The following ZNF207 variants were observed in gnomAD, a reference collection of about 807,000 sequenced individuals.
ZNF207 encodes the protein zinc finger protein 207, also known as BUB3-interacting and GLEBS motif-containing protein ZNF207.
Under a neutral mutation model 60.2 loss-of-function variants are expected in ZNF207, and 24 were observed. The observed-to-expected ratio is 0.40, with a 90% CI of 0.29 to 0.56. ZNF207 has a LOEUF of 0.56. Among genes scored for constraint, ZNF207 ranks in the 20% least tolerant of loss-of-function variants. ZNF207 has a pLI of 0.49. For missense variants in ZNF207, 452 were observed against 636.6 expected, an observed-to-expected ratio of 0.71 and a Z score of 3.12; for synonymous variants, 236 against 194.7, an observed-to-expected ratio of 1.21 and a Z score of -1.77.
In ZNF207 at chr17:32,374,461, C is replaced by T. The variant is rs188223202; in HGVS notation, c.*4702C>T. 0.016 allele frequency: 2,444 copies of T among 152,288 alleles called. 37 individuals are homozygous for T. The highest frequency in any genetic ancestry group is 0.065 in the Middle Eastern group (19 of 294). The allele number at this position is 152,288 out of a possible 1,614,324, so 9.4% of individuals were successfully genotyped here. ...CTCGATCTCCTGACTTTGCGATCCC[C>T]CTGCCTCGGCCTCCCAAAGTGCTGG... On this transcript the variant is annotated 3_prime_UTR_variant, in exon 12 of 12. Transcript: ENST00000394670.
At chr17:32,354,207 C>T (rs1369982692) in intron 2 of ZNF207, among the ~76,000 whole-genome samples, 2 of 152,174 alleles carry the variant, frequency 1.3e-5, no homozygotes, top group Non-Finnish European at 2.9e-5. Context: ...CGCCCAACTC[C>T]CAGGATCAAT....
intron 3 of ZNF207, among the ~76,000 whole-genome samples, chr17:32,359,048 C>T (rs1385807034): frequency 6.7e-6 from 1 of 150,302 alleles, no homozygotes; most frequent in East Asian, 2.0e-4. Flanking sequence ...GGTGATTTGC[C>T]CACTTTTGCC....
Position 32,361,459 on chromosome 17 carries a change from T to C in ZNF207, c.552-9T>C. ...AGTTAGATTTTGATTTTGTCATACA[T>C]TTTCACAGATTGCATCATCAGAGAA... On this transcript the variant is annotated splice_polypyrimidine_tract_variant and intron_variant, in intron 5 of 11. Transcript: ENST00000394670. 2 of 1,607,808 alleles carry C rather than the reference T, an allele frequency of 1.2e-6. No homozygotes were observed. The highest frequency in any genetic ancestry group is 1.7e-6 in the Non-Finnish European group (2 of 1,176,732).
chr17:32,360,719 A>G lies in ZNF207; in HGVS notation c.429A>G (p.Ala143=). ...AGCAAGGTTATATTCCTCCAATGGC[A>G]CAGCCAGGACTGCCACCAGTACCAG... ...QPQQGYIPPM[A]QPGLPPVPGA... Residue 143 remains alanine, a synonymous_variant, in exon 4 of 12, where the codon GCA becomes GCG. Transcript: ENST00000394670. 1 of 1,614,136 alleles carries G rather than the reference A, an allele frequency of 6.2e-7. No homozygotes were observed. The highest frequency in any genetic ancestry group is 2.2e-5 in the East Asian group (1 of 44,886).
rs1296711727 is a variant in ZNF207, at chr17:32,369,803, C to A, written c.*44C>A. 2.1e-6 allele frequency: 3 copies of A among 1,405,952 alleles called. No homozygotes were observed. The highest frequency in any genetic ancestry group is 2.8e-6 in the Non-Finnish European group (3 of 1,073,574). 87.1% of individuals were successfully genotyped at this position (1,405,952 alleles called of 1,614,324 possible). ...AATAGGTTTGGAGATTAAACCTTTT[C>A]TCAACTTGTGCTGTTTATATAGCCA... On this transcript the variant is annotated 3_prime_UTR_variant, in exon 12 of 12. Coordinates refer to ENST00000394670, the MANE Select transcript of ZNF207 (RefSeq NM_001098507.2).
In ZNF207 at chr17:32,366,647, C is replaced by T; in HGVS notation, c.829-18C>T. On this transcript the variant is annotated intron_variant, in intron 8 of 11. Coordinates refer to ENST00000394670, the MANE Select transcript of ZNF207 (RefSeq NM_001098507.2). ...TTGTTTGGAGACTTTTCATTGTTTC[C>T]TTTCTTTTATGCTACAGATGGGGAC... 1.3e-6 allele frequency: 2 copies of T among 1,579,938 alleles called. No individual in the cohort carries two copies. The highest frequency in any genetic ancestry group is 8.6e-7 in the Non-Finnish European group (1 of 1,167,762).
rs1042044874 is a variant in ZNF207 at position 32,379,956 on chromosome 17, C to G, written c.*10197C>G. 45 of 152,108 alleles carry G rather than the reference C, an allele frequency of 3.0e-4. No individual in the cohort carries two copies. Among genetic ancestry groups the G allele is most frequent in the African/African-American group, 1.1e-3 (45 of 41,408 alleles). 9.4% of individuals were successfully genotyped at this position (152,108 alleles called of 1,614,324 possible). The stretch of plus-strand genomic sequence containing the variant: ...CTAAGAATGTTTTTACATTCTGTTT[C>G]CTCCTGTGATCTTTCTGAACCAATA... On this transcript the variant is annotated 3_prime_UTR_variant, in exon 12 of 12. Transcript: ENST00000394670.
In ZNF207 at chr17:32,372,749, T is replaced by C. The variant is rs995675030; in HGVS notation, c.*2990T>C. On this transcript the variant is annotated 3_prime_UTR_variant, in exon 12 of 12. Transcript: ENST00000394670. ...TGGGGTCCATAGTGTGGTTGAATTA[T>C]GAGTGGAGCAAATTATATTCATATA... 16 of 152,344 alleles carry C rather than the reference T, an allele frequency of 1.1e-4. No homozygotes were observed. Among genetic ancestry groups the C allele is most frequent in the African/African-American group, 3.6e-4 (15 of 41,586 alleles). 9.4% of individuals were successfully genotyped at this position (152,344 alleles called of 1,614,324 possible).
chr17:32,375,132 T>C lies in ZNF207; in HGVS notation c.*5373T>C, dbSNP rs1023164689. ...AATTGTTTGTATATGGTTTTCATTC[T>C]TGGAAGCATAAAGAAAAAATATGCA... On this transcript the variant is annotated 3_prime_UTR_variant, in exon 12 of 12. Coordinates refer to ENST00000394670, the MANE Select transcript of ZNF207 (RefSeq NM_001098507.2). 3 of 152,240 alleles carry C rather than the reference T, an allele frequency of 2.0e-5. No individual in the cohort carries two copies. The highest frequency in any genetic ancestry group is 7.2e-5 in the African/African-American group (3 of 41,466). 9.4% of individuals were successfully genotyped at this position (152,240 alleles called of 1,614,324 possible).
In ZNF207 at chr17:32,362,987, A is replaced by G. The variant is rs765804980; in HGVS notation, c.670+3A>G. The stretch of plus-strand genomic sequence containing the variant: ...TCTGATGCCTGGAATGCCACCAGGT[A>G]TATGTTAGATAATTTCATTTTAATA... On this transcript the variant is annotated splice_donor_region_variant and intron_variant, in intron 7 of 11. Coordinates refer to ENST00000394670, the MANE Select transcript of ZNF207 (RefSeq NM_001098507.2). 1.9e-6 allele frequency: 3 copies of G among 1,611,996 alleles called. No homozygotes were observed. The highest frequency in any genetic ancestry group is 2.5e-6 in the Non-Finnish European group (3 of 1,179,222).
Position 32,373,432 on chromosome 17 carries a change from G to A in ZNF207, c.*3673G>A, listed in dbSNP as rs1905552858. On this transcript the variant is annotated 3_prime_UTR_variant, in exon 12 of 12. Transcript: ENST00000394670. ...TAGGACAGGCTGAGGCTGAGTCTCA[G>A]TGTTGCCCTGTTCAGTCTGAGGCAA... The A allele has an allele frequency of 1.5e-6, 1 of 682,624 alleles. No homozygotes were observed. The allele number at this position is 682,624 out of a possible 1,614,324, so 42.3% of individuals were successfully genotyped here. A position where few individuals can be genotyped will look rare whatever the true frequency, so the allele number is the denominator to read the frequency against.
At chr17:32,363,529 C>CTTTTTTTTTTTTTTTTTTTTTTTTT (rs746944466) in intron 7 of ZNF207, among the ~76,000 whole-genome samples, 1 of 69,568 alleles carries the variant, frequency 1.4e-5, no homozygotes. Context: ...ATCCAACAAA[C>CTTTTTTTTTTTTTTTTTTTTTTTTT]TTTTTTTTTT....
At chr17:32,350,449 C>T in intron 1 of ZNF207, 123 bp downstream of exon 1, 3 of 1,327,494 alleles carry the variant, frequency 2.3e-6, no homozygotes, top group East Asian at 2.3e-5. Context: ...GCGTGGGTGG[C>T]CTGGTGGCTG....
rs571739578 is a variant in ZNF207, at chr17:32,360,304, C to T, written c.308-294C>T. Among the ~76,000 whole-genome samples the T allele has an allele frequency of 5.6e-4, 85 of 151,442 alleles. 1 individual carries two copies. The South Asian group carries it at 0.017, about 30-fold the overall frequency. On this transcript the variant is annotated intron_variant, in intron 3 of 11. Transcript: ENST00000394670. Reference sequence around the variant, plus strand: ...GTTTGAGAGTGCAGTGAGCTGCAGTCGTGCCACTGCTGTACAGCCTGCATC... The same window carrying T: ...GTTTGAGAGTGCAGTGAGCTGCAGTTGTGCCACTGCTGTACAGCCTGCATC...
Position 32,375,769 on chromosome 17 carries a change from T to A in ZNF207, c.*6010T>A, listed in dbSNP as rs951287040. On this transcript the variant is annotated 3_prime_UTR_variant, in exon 12 of 12. Transcript: ENST00000394670. ...TATTGACCTAATATTGAGTAATCTT[T>A]CTGCGTTATTCCAAATTGAAATTTG... 9.9e-5 allele frequency: 15 copies of A among 152,166 alleles called. No individual in the cohort carries two copies. Among genetic ancestry groups the A allele is most frequent in the African/African-American group, 3.4e-4 (14 of 41,464 alleles). 9.4% of individuals were successfully genotyped at this position (152,166 alleles called of 1,614,324 possible).
Position 32,360,514 on chromosome 17 carries a change from CAT to C in ZNF207, c.308-79_308-78del, listed in dbSNP as rs1236703083. 9.4e-6 allele frequency: 12 copies of C among 1,277,394 alleles called. No homozygotes were observed. The East Asian group carries it at 1.8e-4, about 19-fold the overall frequency. 79.1% of individuals were successfully genotyped at this position (1,277,394 alleles called of 1,614,324 possible). On this transcript the variant is annotated intron_variant, in intron 3 of 11. Coordinates refer to ENST00000394670, the MANE Select transcript of ZNF207 (RefSeq NM_001098507.2). ...AAAAATCTCATGAAGTAATTTTACC[CAT>C]ATATGTATTTTTAAATATTGAATGT...
In ZNF207 at chr17:32,374,381, C is replaced by G. The variant is rs894698674; in HGVS notation, c.*4622C>G. 6.6e-6 allele frequency: 1 copy of G among 151,990 alleles called. No homozygotes were observed. The highest frequency in any genetic ancestry group is 1.5e-5 in the Non-Finnish European group (1 of 68,096). The allele number at this position is 151,990 out of a possible 1,614,324, so 9.4% of individuals were successfully genotyped here. A position where few individuals can be genotyped will look rare whatever the true frequency, so the allele number is the denominator to read the frequency against. On this transcript the variant is annotated 3_prime_UTR_variant, in exon 12 of 12. Transcript: ENST00000394670. The stretch of plus-strand genomic sequence containing the variant: ...TACAGGTGCTTGCCACCACACCCGG[C>G]TAATTTTTTGTATTTTTAGTAGAGA...
chr17:32,355,568 A>G (rs1904458309), intron 2 of ZNF207, among the ~76,000 whole-genome samples: 1 of 152,200 alleles, frequency 6.6e-6, no homozygotes, highest in South Asian at 2.1e-4. Flanking sequence ...GTTCATAGAA[A>G]TTAAAACAGG....
chr17:32,363,529 C>CTTTTTTTTTTTTTTTTTTTTTTTT lies in ZNF207; in HGVS notation c.670+550_670+573dup, dbSNP rs746944466. On this transcript the variant is annotated intron_variant, in intron 7 of 11. Coordinates refer to ENST00000394670, the MANE Select transcript of ZNF207 (RefSeq NM_001098507.2). ...ACAAGTAATAGAGAAATCCAACAAACTTTTTTTTTTTTTTTTTTTTTTTTT... is the reference window on the plus strand; with the variant it reads ...ACAAGTAATAGAGAAATCCAACAAACTTTTTTTTTTTTTTTTTTTTTTTTTTTTTTTTTTTTTTTTTTTTTTTTT... Among the ~76,000 whole-genome samples, 10 of 69,568 alleles carry CTTTTTTTTTTTTTTTTTTTTTTTT rather than the reference C, an allele frequency of 1.4e-4. 3 individuals are homozygous for CTTTTTTTTTTTTTTTTTTTTTTTT. Among genetic ancestry groups the CTTTTTTTTTTTTTTTTTTTTTTTT allele is most frequent in the African/African-American group, 2.7e-4 (5 of 18,458 alleles). The allele number at this position is 69,568 out of a possible 152,430, so 45.6% of individuals were successfully genotyped here. A position where few individuals can be genotyped will look rare whatever the true frequency, so the allele number is the denominator to read the frequency against.
Sources: allele counts gnomAD v4.1 joint callset (sites outside exome capture counted in the v4.1 genomes callset), GRCh38; gene constraint gnomAD v4.1.1; transcripts MANE v1.5; gene names NCBI Gene and HGNC (gene_info 2026-07-23, HGNC 2026-07-21).